KLF17: variants seen among roughly 807,000 people sequenced by gnomAD.
KLF17 encodes KLF transcription factor 17, also known as Krueppel-like factor 17.
A neutral mutation model predicts 34.2 loss-of-function variants in KLF17; 31 were observed. That is an observed-to-expected ratio of 0.91 (90% confidence interval 0.68 to 1.22). The LOEUF is 1.22. Among genes scored for constraint, KLF17 ranks in the 50% most tolerant of loss-of-function variants. The pLI is 0.00. For synonymous variants in KLF17, 179 were observed against 186.7 expected, an observed-to-expected ratio of 0.96 and a Z score of 0.34; for missense variants, 478 against 505.2, an observed-to-expected ratio of 0.95 and a Z score of 0.52.
At chr1:44,112,289 A>G in the KLF17 span, among the ~76,000 whole-genome samples, 1 of 152,302 alleles carries the variant, frequency 6.6e-6, no homozygotes, top group South Asian at 2.1e-4. Context: ...TGTACCTTCA[A>G]AACCTGGCTC....
chr1:44,094,640 G>C, the KLF17 span, among the ~76,000 whole-genome samples: 1 of 152,100 alleles, frequency 6.6e-6, no homozygotes, highest in Non-Finnish European at 1.5e-5. Flanking sequence ...TGTCAAAAAT[G>C]AGTTGACTGT....
At chr1:44,133,169 A>T (rs1169209918) in intron 3 of KLF17, 69 bp from the exon 4 acceptor site, 1 of 152,232 alleles carries the variant, frequency 6.6e-6, no homozygotes, top group African/African-American at 2.4e-5. Context: ...TCTCTGGAGG[A>T]GGTAATCCCT....
chr1:44,044,542 T>A, the KLF17 span: 2 of 152,258 alleles, frequency 1.3e-5, no homozygotes, highest in Non-Finnish European at 2.9e-5. Context: ...CATTTTTACT[T>A]GTAACACCTG....
At chr1:44,078,073 G>T in the KLF17 span, among the ~76,000 whole-genome samples, 27 of 152,150 alleles carry the variant, frequency 1.8e-4, no homozygotes, top group African/African-American at 5.8e-4. Context: ...CCTTAATGAT[G>T]ACTTTTGTTG....
At chr1:44,067,946 C>T in the KLF17 span, among the ~76,000 whole-genome samples, 1 of 152,114 alleles carries the variant, frequency 6.6e-6, no homozygotes, top group South Asian at 2.1e-4. Context: ...AGCCTGGGTT[C>T]TCTGAGCCTC....
At chr1:44,074,586 A>C in the KLF17 span, among the ~76,000 whole-genome samples, 3 of 152,238 alleles carry the variant, frequency 2.0e-5, no homozygotes, top group Admixed American at 6.5e-5. Flanking sequence ...GAAGAAAGAC[A>C]GAGGGAACTG....
At chr1:44,090,990 G>A in the KLF17 span, among the ~76,000 whole-genome samples, 2 of 151,564 alleles carry the variant, frequency 1.3e-5, no homozygotes, top group Non-Finnish European at 2.9e-5. Flanking sequence ...ATCCATTAAA[G>A]CAGCAGTTGT....
intron 1 of KLF17, among the ~76,000 whole-genome samples, chr1:44,124,992 T>C (rs992509669): frequency 2.0e-5 from 3 of 152,308 alleles, no homozygotes; most frequent in Admixed American, 2.0e-4. Context: ...GCATCGTATG[T>C]CAAAAAATAA....
chr1:44,090,306 C>CAAAAA, the KLF17 span, among the ~76,000 whole-genome samples: 2,486 of 23,510 alleles, frequency 0.11, 423 homozygotes, highest in East Asian at 0.13. Flanking sequence ...CTTGTCTCTA[C>CAAAAA]AAAAAAAAAA....
chr1:44,122,120 C>T (rs1005888673), intron 1 of KLF17: 23 of 1,301,810 alleles, frequency 1.8e-5, no homozygotes, highest in Admixed American at 1.1e-4. Context: ...TCCCAAATCC[C>T]GTATGACTTT....
At chr1:44,086,204 C>T in the KLF17 span, among the ~76,000 whole-genome samples, 6 of 152,122 alleles carry the variant, frequency 3.9e-5, no homozygotes, top group Non-Finnish European at 5.9e-5. Context: ...TGGTGGCTCA[C>T]GCCTGTAATC....
chr1:44,122,475 T>C, intron 1 of KLF17: 1 of 1,155,936 alleles, frequency 8.7e-7, no homozygotes, highest in Non-Finnish European at 1.3e-6. Context: ...GGTTACAGTT[T>C]CATGACTCAA....
chr1:44,047,993 TG>T, the KLF17 span: 1 of 107,730 alleles, frequency 9.3e-6, no homozygotes, highest in African/African-American at 4.9e-5. Context: ...AAGAGAACAT[TG>T]TGTGTGTATG....
At chr1:44,090,144 AG>A in the KLF17 span, among the ~76,000 whole-genome samples, 15 of 143,534 alleles carry the variant, frequency 1.0e-4, no homozygotes, top group South Asian at 2.2e-4. Flanking sequence ...AAAAAAAAAA[AG>A]AGAGAGAGAC....
the KLF17 span, among the ~76,000 whole-genome samples, chr1:44,080,330 C>T: frequency 6.6e-6 from 1 of 151,450 alleles, no homozygotes; most frequent in South Asian, 2.1e-4. Context: ...GCCCCGCCTC[C>T]CGGGTTCACA....
At chr1:44,095,472 C>T in the KLF17 span, among the ~76,000 whole-genome samples, 1 of 152,044 alleles carries the variant, frequency 6.6e-6, no homozygotes, top group Non-Finnish European at 1.5e-5. Context: ...GCCTTGGCCT[C>T]CCAAAGTGCT....
chr1:44,072,404 G>A, the KLF17 span, among the ~76,000 whole-genome samples: 1 of 152,164 alleles, frequency 6.6e-6, no homozygotes, highest in African/African-American at 2.4e-5. Context: ...AAAACCACAA[G>A]AGTGGGCCAG....
chr1:44,046,528 TACACACACACTC>T, the KLF17 span, among the ~76,000 whole-genome samples: 4,056 of 84,822 alleles, frequency 0.048, 68 homozygotes, highest in Admixed American at 0.059. Flanking sequence ...ACCTAAGCAC[TACACACACACTC>T]ACACACACAC....
chr1:44,089,307 A>G, the KLF17 span, among the ~76,000 whole-genome samples: 1 of 152,184 alleles, frequency 6.6e-6, no homozygotes, highest in Non-Finnish European at 1.5e-5. Flanking sequence ...TTGTGAAAGG[A>G]AGGAGAAGGA....
Sources: allele counts gnomAD v4.1 joint callset (sites outside exome capture counted in the v4.1 genomes callset), GRCh38; gene constraint gnomAD v4.1.1; transcripts MANE v1.5; gene names NCBI Gene and HGNC (gene_info 2026-07-23, HGNC 2026-07-21).